CELF2: variants seen among roughly 807,000 people sequenced by gnomAD.
CELF2 encodes CUGBP Elav-like family member 2.
In CELF2, 8 loss-of-function variants were observed where a neutral mutation model predicts 62.6. That is an observed-to-expected ratio of 0.13 (90% CI 0.07 to 0.23). The LOEUF (loss-of-function observed/expected upper bound fraction) is 0.23, where lower values mean the gene tolerates loss of function less well. Among genes scored for constraint, CELF2 ranks in the 10% least tolerant of loss-of-function variants. CELF2 has a pLI of 1.00. For missense variants in CELF2, 333 were observed against 671.0 expected, an observed-to-expected ratio of 0.50 and a Z score of 5.56; for synonymous variants, 258 against 250.0, an observed-to-expected ratio of 1.03 and a Z score of -0.30.
chr10:10,870,163 G>A (rs2060646104), intron 1 of CELF2, among the ~76,000 whole-genome samples: 1 of 152,002 alleles, frequency 6.6e-6, no homozygotes. Context: ...CAGGAATGAT[G>A]TCCATCTTTA....
chr10:10,525,336 A>AATG, the CELF2 span, among the ~76,000 whole-genome samples: 1 of 152,156 alleles, frequency 6.6e-6, no homozygotes, highest in South Asian at 2.1e-4. Flanking sequence ...ACAAATTCAT[A>AATG]AACTGTCTTA....
chr10:11,306,312 C>T lies in CELF2; in HGVS notation c.977-7827C>T, dbSNP rs967214115. Among the ~76,000 whole-genome samples, 7 of 152,012 alleles carry T rather than the reference C, an allele frequency of 4.6e-5. No individual in the cohort carries two copies. The highest frequency in any genetic ancestry group is 2.1e-4 in the South Asian group (1 of 4,814). The stretch of plus-strand genomic sequence containing the variant: ...TTTGTAAAACTTTTAAGTGAGAAAG[C>T]GTAGGGTACAGTTCTCAGCACAGAC... On this transcript the variant is annotated intron_variant, in intron 9 of 12. Transcript: ENST00000633077. The surrounding 1 kb of genome is among the most constrained non-coding windows in gnomAD (Gnocchi z 4.4).
chr10:10,565,038 A>T, the CELF2 span, among the ~76,000 whole-genome samples: 2 of 152,252 alleles, frequency 1.3e-5, no homozygotes, highest in African/African-American at 4.8e-5. Context: ...GTACAGCCGA[A>T]TGTGTCAGAC....
At chr10:11,208,386 A>G (rs1000958651) in intron 2 of CELF2, among the ~76,000 whole-genome samples, 1 of 152,230 alleles carries the variant, frequency 6.6e-6, no homozygotes, top group African/African-American at 2.4e-5. Flanking sequence ...TGGTATACTT[A>G]GGTCCAACAA....
intron 1 of CELF2, among the ~76,000 whole-genome samples, chr10:11,155,359 G>A (rs571874118): frequency 6.7e-6 from 1 of 148,546 alleles, no homozygotes; most frequent in Non-Finnish European, 1.5e-5. Context: ...AGACCCTGGT[G>A]TCTGCCCTCA....
At chr10:10,616,691 C>CGTGT in the CELF2 span, among the ~76,000 whole-genome samples, 60 of 134,508 alleles carry the variant, frequency 4.5e-4, no homozygotes, top group South Asian at 1.8e-3. Context: ...TGTGTGTGTG[C>CGTGT]GTGTGTGTGT....
chr10:10,912,045 T>C (rs1255164931), intron 1 of CELF2, among the ~76,000 whole-genome samples: 1 of 152,218 alleles, frequency 6.6e-6, no homozygotes, highest in Non-Finnish European at 1.5e-5. Context: ...ATTACAACAA[T>C]ACCTAGTATC....
At chr10:11,115,254 C>T (rs1010864010) in intron 1 of CELF2, among the ~76,000 whole-genome samples, 1 of 152,214 alleles carries the variant, frequency 6.6e-6, no homozygotes, top group Non-Finnish European at 1.5e-5. Context: ...TCATAAGACT[C>T]ACAGTAATAG....
chr10:10,816,725 C>T (rs1263974635), intron 1 of CELF2, among the ~76,000 whole-genome samples: 1 of 152,202 alleles, frequency 6.6e-6, no homozygotes, highest in Non-Finnish European at 1.5e-5. Context: ...TAATTTGCTT[C>T]CTTGCTTTGC....
At chr10:10,585,362 T>C in the CELF2 span, among the ~76,000 whole-genome samples, 1 of 152,132 alleles carries the variant, frequency 6.6e-6, no homozygotes, top group Non-Finnish European at 1.5e-5. Flanking sequence ...AAACTTGGCT[T>C]CCGTTATCTT....
the CELF2 span, among the ~76,000 whole-genome samples, chr10:10,498,946 A>C: frequency 2.0e-5 from 3 of 152,262 alleles, no homozygotes; most frequent in South Asian, 6.2e-4. Flanking sequence ...GCTCTGCCTC[A>C]TTCTCCTTCT....
the CELF2 span, among the ~76,000 whole-genome samples, chr10:10,566,332 G>T: frequency 2.6e-5 from 4 of 151,146 alleles, no homozygotes; most frequent in African/African-American, 9.7e-5. Flanking sequence ...TGTCCCAGTT[G>T]CCAGTGATTG....
intron 3 of CELF2, among the ~76,000 whole-genome samples, chr10:11,225,564 C>CT (rs1400102871): frequency 6.6e-6 from 1 of 152,144 alleles, no homozygotes; most frequent in African/African-American, 2.4e-5. Context: ...TGACTATACC[C>CT]TTTGAGATTG....
At position 10,837,718 on chromosome 10, in the gene CELF2, A is replaced by G. The variant is rs543926294; in HGVS notation, c.53+38901A>G. Reference sequence around the variant, plus strand: ...CTTTGGAGTCATTTTCAAGGAAAACAGACCCCTCAGACACCTCCCTATATG... The same window carrying G: ...CTTTGGAGTCATTTTCAAGGAAAACGGACCCCTCAGACACCTCCCTATATG... On this transcript the variant is annotated intron_variant, in intron 1 of 13. Coordinates refer to the CELF2 transcript ENST00000636488. Among the ~76,000 whole-genome samples the G allele has an allele frequency of 9.2e-5, 14 of 152,326 alleles. No homozygotes were observed. The East Asian group carries it at 2.1e-3, about 23-fold the overall frequency.
At chr10:10,784,980 A>T in the CELF2 span, among the ~76,000 whole-genome samples, 1 of 152,238 alleles carries the variant, frequency 6.6e-6, no homozygotes, top group African/African-American at 2.4e-5. Flanking sequence ...CAAAGTGTTC[A>T]GTTACAATAG....
intron 1 of CELF2, among the ~76,000 whole-genome samples, chr10:11,056,176 T>C (rs1366738570): frequency 2.6e-5 from 4 of 152,236 alleles, no homozygotes; most frequent in African/African-American, 9.6e-5. Context: ...TATTCCACAA[T>C]TCTATAAAGC....
At chr10:11,050,465 C>T (rs2063713167) in intron 1 of CELF2, among the ~76,000 whole-genome samples, 1 of 152,206 alleles carries the variant, frequency 6.6e-6, no homozygotes, top group South Asian at 2.1e-4. Context: ...GGAACCTGGC[C>T]TGGCTTGAAC....
the CELF2 span, among the ~76,000 whole-genome samples, chr10:10,687,555 A>G: frequency 6.6e-6 from 1 of 152,176 alleles, no homozygotes; most frequent in African/African-American, 2.4e-5. Context: ...CTTCTTAATA[A>G]CATCAGAGAG....
At chr10:11,225,115 G>A (rs2066054813) in intron 3 of CELF2, among the ~76,000 whole-genome samples, 1 of 151,326 alleles carries the variant, frequency 6.6e-6, no homozygotes, top group Non-Finnish European at 1.5e-5. Context: ...AAGTTGGTTT[G>A]ATAATGAAGG....
Sources: gnomAD v4.1 joint callset for allele counts (sites outside exome capture counted in the v4.1 genomes callset) on GRCh38, gnomAD v4.1.1 for gene constraint, Gnocchi (gnomAD v3.1) non-coding constraint, MANE v1.5 for transcripts, NCBI Gene and HGNC (gene_info 2026-07-23, HGNC 2026-07-21) for gene names.